Variants in FAT2 observed in about 807,000 individuals in gnomAD.
FAT2 encodes protocadherin Fat 2.
Under a neutral mutation model 295.3 loss-of-function variants are expected in FAT2, and 150 were observed. The ratio of observed to expected loss-of-function variants is 0.51; its 90% CI spans 0.44 to 0.58. The LOEUF is 0.58. Among genes scored for constraint, FAT2 ranks in the 20% least tolerant of loss-of-function variants. The pLI, the probability that FAT2 is intolerant of heterozygous loss-of-function variation, is 0.00. For missense variants in FAT2, 4,868 were observed against 5,442.7 expected (o/e 0.89, Z 3.32); for synonymous variants, 2,026 against 2,150.3 (o/e 0.94, Z 1.60).
At chr5:151,546,424 C>A in intron 9 of FAT2, 87 bp from the exon 10 acceptor site, 1 of 1,001,140 alleles carries the variant, frequency 1.0e-6, no homozygotes, top group Non-Finnish European at 1.5e-6. Flanking sequence ...GTCTATCACA[C>A]AAAACCTGGA....
intron 11 of FAT2, among the ~76,000 whole-genome samples, chr5:151,538,330 G>A (rs1027321970): frequency 6.6e-5 from 10 of 152,158 alleles, no homozygotes; most frequent in South Asian, 4.1e-4. Flanking sequence ...AAGGCAAGAT[G>A]GGCCTGATAT....
chr5:151,568,677 C>T lies in FAT2; in HGVS notation c.255G>A (p.Glu85=). Residue 85 remains glutamate (E), a synonymous_variant, in exon 2 of 24, where the codon GAG becomes GAA. Transcript: ENST00000261800. The stretch of plus-strand genomic sequence containing the variant: ...AGCAGAAGTTGCCCACCACATACTC[C>T]TCAGTTTTAAATACATTGGCCACAT... The part of the protein sequence containing the change: ...SGDVANVFKT[E]EYVVGNFCFL... The T allele has an allele frequency of 6.2e-7, 1 of 1,614,164 alleles. No homozygotes were observed.
At position 151,505,777 on chromosome 5, in the gene FAT2, G is replaced by T. The variant is rs780204714; in HGVS notation, c.12838C>A (p.Gln4280Lys). ...GGCCCTCCCCCTCCCTGCCGGAACTGCGAGTGGTAGTAGCTGATGGCCGTG... is the reference window on the plus strand; with the variant it reads ...GGCCCTCCCCCTCCCTGCCGGAACTTCGAGTGGTAGTAGCTGATGGCCGTG... ...EYTAISYYHS[Q>K]FRQGGGGPCL... The change falls in exon 24 of 24, where the codon CAG becomes AAG. Residue 4280 changes from glutamine (Q) to lysine (K), a missense_variant. By Grantham distance (53) the Gln-to-Lys change is moderately conservative. Transcript: ENST00000261800. 1 of 1,614,086 alleles carries T rather than the reference G, an allele frequency of 6.2e-7. No individual in the cohort carries two copies. Among genetic ancestry groups the T allele is most frequent in the South Asian group, 1.1e-5 (1 of 91,082 alleles).
At chr5:151,590,995 C>A (rs1007396516) in intron 1 of FAT2, among the ~76,000 whole-genome samples, 170 bp downstream of exon 1, 1 of 152,232 alleles carries the variant, frequency 6.6e-6, no homozygotes, top group African/African-American at 2.4e-5. Context: ...CCTAGATGAT[C>A]CAGGCCCAGA....
At chr5:151,572,651 G>T (rs7737419) in intron 1 of FAT2, among the ~76,000 whole-genome samples, 1 of 152,018 alleles carries the variant, frequency 6.6e-6, no homozygotes, top group Non-Finnish European at 1.5e-5. Context: ...ACATAAGATC[G>T]TGCACGTTAA....
intron 19 of FAT2, among the ~76,000 whole-genome samples, chr5:151,520,466 C>A (rs1753330461): frequency 6.6e-6 from 1 of 151,240 alleles, no homozygotes; most frequent in African/African-American, 2.4e-5. Context: ...CTTGGTAGGG[C>A]TGTGGTGCCG....
chr5:151,541,643 A>T (rs1292501609), intron 10 of FAT2, among the ~76,000 whole-genome samples: 4 of 152,250 alleles, frequency 2.6e-5, no homozygotes, highest in Admixed American at 2.0e-4. Flanking sequence ...TAGCTGGCTT[A>T]GCCACTGGAT....
intron 13 of FAT2, among the ~76,000 whole-genome samples, chr5:151,533,430 AC>A (rs1754890687): frequency 6.8e-6 from 1 of 147,122 alleles, no homozygotes; most frequent in Non-Finnish European, 1.5e-5. Flanking sequence ...ACACACACAC[AC>A]ACACACGCTT....
intron 18 of FAT2, among the ~76,000 whole-genome samples, chr5:151,524,514 G>A (rs886636185): frequency 6.6e-6 from 1 of 152,186 alleles, no homozygotes; most frequent in East Asian, 1.9e-4. Context: ...CTGGCACCCC[G>A]ATCTGGGACT....
intron 22 of FAT2, chr5:151,509,477 G>A (rs1761149959): frequency 6.5e-6 from 1 of 153,414 alleles, no homozygotes; most frequent in African/African-American, 2.4e-5. Flanking sequence ...GGGTGAGCAA[G>A]CATTACCACC....
intron 3 of FAT2, among the ~76,000 whole-genome samples, chr5:151,557,658 T>G (rs950112815): frequency 6.6e-6 from 1 of 152,250 alleles, no homozygotes; most frequent in Non-Finnish European, 1.5e-5. Flanking sequence ...CCTGCAGCCA[T>G]ACTATGTTTG....
intron 8 of FAT2, 114 bp from the exon 9 acceptor site, chr5:151,549,619 A>C: frequency 1.3e-6 from 1 of 749,304 alleles, no homozygotes; most frequent in South Asian, 1.7e-5. Context: ...ATTGTAACTA[A>C]CTCCCCATAT....
At chr5:151,576,481 A>G (rs1421047461) in intron 1 of FAT2, among the ~76,000 whole-genome samples, 6 of 152,242 alleles carry the variant, frequency 3.9e-5, no homozygotes, top group Non-Finnish European at 8.8e-5. Context: ...AATGAGGACT[A>G]CTGTAGAAAG....
chr5:151,518,966 A>G (rs1373245506), intron 19 of FAT2, among the ~76,000 whole-genome samples: 1 of 152,204 alleles, frequency 6.6e-6, no homozygotes, highest in East Asian at 1.9e-4. Flanking sequence ...TACCTAGCAA[A>G]GAGGAATTGT....
chr5:151,582,400 G>A (rs561987372), intron 1 of FAT2, among the ~76,000 whole-genome samples: 10 of 152,336 alleles, frequency 6.6e-5, no homozygotes, highest in African/African-American at 2.4e-4. Context: ...GATTGAACTG[G>A]TGATTCCCAC....
In FAT2 at chr5:151,532,067, C is replaced by T. The variant is rs1754690007; in HGVS notation, c.9428-97G>A. On this transcript the variant is annotated intron_variant, in intron 13 of 23. Transcript: ENST00000261800. ...AGCCACAGGAGGGGCTGGGGAGGGG[C>T]TCCCATGAAGGCGGACAAGCTGGCT... is the stretch of plus-strand genomic sequence containing the variant. The T allele has an allele frequency of 4.0e-6, 6 of 1,496,200 alleles. 1 individual carries two copies. In the South Asian group the frequency reaches 5.1e-5, roughly 13 times the overall value. 92.7% of individuals were successfully genotyped at this position (1,496,200 alleles called of 1,614,324 possible). A position where few individuals can be genotyped will look rare whatever the true frequency, so the allele number is the denominator to read the frequency against.
chr5:151,568,136 T>G lies in FAT2; in HGVS notation c.796A>C (p.Ser266Arg), dbSNP rs1316104117. The change falls in exon 2 of 24, where the codon AGC becomes CGC. Residue 266 changes from serine (S) to arginine (R), a missense_variant. Around this residue, in one of 5 missense-constraint regions of FAT2, gnomAD observed 3,297 missense variants for 3,669.4 expected, o/e 0.90. Transcript: ENST00000261800. ...IASVVVTPPD[S>R]NDGTTYATVL... ...GTGGCATAGGTGGTACCATCATTGC[T>G]GTCTGGTGGAGTCACCACCACCGAA... The G allele has an allele frequency of 6.2e-7, 1 of 1,614,100 alleles. No homozygotes were observed. Among genetic ancestry groups the G allele is most frequent in the Non-Finnish European group, 8.5e-7 (1 of 1,180,046 alleles).
At chr5:151,541,472 C>T (rs904838508) in intron 10 of FAT2, among the ~76,000 whole-genome samples, 18 of 152,084 alleles carry the variant, frequency 1.2e-4, no homozygotes, top group African/African-American at 3.4e-4. Flanking sequence ...CCTATGTCTT[C>T]GGGAGTCTGT....
chr5:151,565,992 C>G lies in FAT2; in HGVS notation c.2940G>C (p.Ala980=), dbSNP rs141484570. ...GTFRVDLMTG[A]LILERELDFE... is the part of the protein sequence containing the mutation. The stretch of plus-strand genomic sequence containing the variant: ...AGTCCAGCTCTCTCTCCAGAATGAG[C>G]GCCCCTGTCATCAGGTCCACCCGGA... The change falls in exon 2 of 24, where the codon GCG becomes GCC. Residue 980 remains alanine (A), a synonymous_variant. Transcript: ENST00000261800. 178 of 1,614,086 alleles carry G rather than the reference C, an allele frequency of 1.1e-4. 1 individual carries two copies. In the African/African-American group the frequency reaches 2.1e-3, roughly 19 times the overall value.
Sources: allele counts gnomAD v4.1 joint callset (sites outside exome capture counted in the v4.1 genomes callset), GRCh38; gene constraint gnomAD v4.1.1; regional missense constraint gnomAD v4.1.1; transcripts MANE v1.5; gene names NCBI Gene and HGNC (gene_info 2026-07-23, HGNC 2026-07-21).